SMS: variants seen among roughly 807,000 people sequenced by gnomAD.
The protein encoded by SMS is spermine synthase, also known as spermidine aminopropyltransferase.
SMS carries 3 observed loss-of-function variants against 33.0 expected under a neutral mutation model. The observed-to-expected ratio is 0.09, with a 90% CI of 0.04 to 0.23. The LOEUF is 0.23. Ranked by LOEUF, SMS falls within the 10% of genes least tolerant of loss-of-function variation. The pLI is 1.00. For synonymous variants in SMS, 103 were observed against 112.2 expected (o/e 0.92, Z 0.52); for missense variants, 117 against 288.6 (o/e 0.41, Z 4.31).
intron 7 of SMS, among the ~76,000 whole-genome samples, chrX:21,979,980 TAAAAA>T (rs1404473772): frequency 1.0e-5 from 1 of 100,059 alleles, no homozygotes; most frequent in Non-Finnish European, 2.0e-5. Flanking sequence ...ATAATAATAA[TAAAAA>T]AGAAACCTTA....
intron 1 of SMS, chrX:21,960,058 C>T (rs1923238263): frequency 3.2e-6 from 1 of 316,476 alleles, no homozygotes. Flanking sequence ...TGTAGGGGCA[C>T]TGAGAATAAA....
chrX:21,977,373 A>G, intron 5 of SMS, 137 bp downstream of exon 5: 1 of 591,516 alleles, frequency 1.7e-6, no homozygotes, highest in Non-Finnish European at 3.0e-6. Context: ...ATGCACATTT[A>G]TGTCATATTA....
intron 9 of SMS, among the ~76,000 whole-genome samples, chrX:21,985,699 T>G (rs1925276671): frequency 8.9e-6 from 1 of 112,049 alleles, no homozygotes; most frequent in South Asian, 3.6e-4. Flanking sequence ...TAATCCAGTC[T>G]CTTGGTACAA....
Position 21,984,228 on chromosome X carries a change from C to T in SMS, c.751-76C>T, listed in dbSNP as rs1005361483. The T allele has an allele frequency of 1.5e-4, 106 of 696,111 alleles. 1 individual carries two copies. Among genetic ancestry groups the T allele is most frequent in the Non-Finnish European group, 2.0e-4 (84 of 428,096 alleles). 57.4% of individuals were successfully genotyped at this position (696,111 alleles called of 1,213,427 possible). ...AGCCCATACTTGGCGCTTTTTTCCT[C>T]CTTCCTTTACTATTGTTTTTTGTTT... On this transcript the variant is annotated intron_variant, in intron 7 of 10. Transcript: ENST00000404933.
chrX:21,944,059 A>G (rs1185350033), intron 1 of SMS, among the ~76,000 whole-genome samples: 2 of 111,528 alleles, frequency 1.8e-5, no homozygotes, highest in Non-Finnish European at 3.8e-5. Flanking sequence ...TGAACCACTT[A>G]GTTATGATGT....
intron 1 of SMS, among the ~76,000 whole-genome samples, chrX:21,963,187 C>T (rs1440932457): frequency 8.9e-6 from 1 of 112,154 alleles, no homozygotes. Context: ...GATACTACTG[C>T]GGAGTTTTCA....
At chrX:21,947,029 T>G (rs907822989) in intron 1 of SMS, among the ~76,000 whole-genome samples, 7 of 111,759 alleles carry the variant, frequency 6.3e-5, no homozygotes, top group Non-Finnish European at 1.3e-4. Context: ...GAACCATCGC[T>G]CTTTTTAACC....
chrX:21,945,668 G>T (rs1401814145), intron 1 of SMS, among the ~76,000 whole-genome samples: 1 of 63,007 alleles, frequency 1.6e-5, no homozygotes, highest in Non-Finnish European at 2.7e-5. Context: ...TCGCTCTGTC[G>T]CCCAGAGCTG....
At chrX:21,980,063 AATAAT>A (rs1171587453) in intron 7 of SMS, among the ~76,000 whole-genome samples, 1 of 111,059 alleles carries the variant, frequency 9.0e-6, no homozygotes, top group African/African-American at 3.3e-5. Context: ...TTCCAAGTAA[AATAAT>A]AAGCTAAATC....
intron 9 of SMS, among the ~76,000 whole-genome samples, chrX:21,986,601 A>G (rs7891381): frequency 0.36 from 39,944 of 111,211 alleles, 7,369 homozygotes; most frequent in African/African-American, 0.73. Context: ...TGCGCTTGGC[A>G]AAATTGTTCA....
At chrX:21,977,677 A>C (rs1174109015) in intron 5 of SMS, among the ~76,000 whole-genome samples, 1 of 111,265 alleles carries the variant, frequency 9.0e-6, no homozygotes, top group Non-Finnish European at 1.9e-5. Flanking sequence ...ATATTATTTC[A>C]TTTGTAAAGA....
chrX:21,980,339 C>T (rs1414970410), intron 7 of SMS, among the ~76,000 whole-genome samples: 1 of 102,555 alleles, frequency 9.8e-6, no homozygotes, highest in East Asian at 3.1e-4. Context: ...ATCGCTTGAA[C>T]CCGGAAGGTG....
intron 7 of SMS, among the ~76,000 whole-genome samples, chrX:21,984,095 A>G (rs905229916): frequency 1.8e-5 from 2 of 111,795 alleles, no homozygotes; most frequent in Non-Finnish European, 3.8e-5. Context: ...TATTGAAATG[A>G]GAAGGCATAT....
chrX:21,966,378 G>C (rs1490570444), intron 1 of SMS, among the ~76,000 whole-genome samples: 1 of 112,303 alleles, frequency 8.9e-6, no homozygotes, highest in Non-Finnish European at 1.9e-5. Context: ...GATAGAACTA[G>C]AGAAGAAAAA....
intron 1 of SMS, among the ~76,000 whole-genome samples, chrX:21,956,289 T>C (rs1025038126): frequency 4.5e-4 from 50 of 110,799 alleles, no homozygotes; most frequent in Non-Finnish European, 8.7e-4. Flanking sequence ...GAAAAAGTCC[T>C]GTAAATTTTT....
chrX:21,942,205 A>G (rs796175490), intron 1 of SMS, among the ~76,000 whole-genome samples: 2 of 110,660 alleles, frequency 1.8e-5, no homozygotes, highest in African/African-American at 3.3e-5. Context: ...TTCTCTTACC[A>G]TTTTTAACAC....
Position 21,967,490 on chromosome X carries a change from C to A in SMS, c.170+174C>A, listed in dbSNP as rs778463948. The stretch of plus-strand genomic sequence containing the variant: ...GCTGCACATCAGAATCTCCTGGTAG[C>A]GTTACTGACCACAGGTTCTTAAGCT... On this transcript the variant is annotated intron_variant, in intron 2 of 10. Coordinates refer to ENST00000404933, the MANE Select transcript of SMS (RefSeq NM_004595.5). 2.7e-5 allele frequency among the ~76,000 whole-genome samples: 3 copies of A among 111,149 alleles called. No individual in the cohort carries two copies. In the South Asian group the frequency reaches 1.1e-3, roughly 42 times the overall value.
intron 1 of SMS, among the ~76,000 whole-genome samples, chrX:21,957,626 C>T (rs1923061323): frequency 8.9e-6 from 1 of 111,983 alleles, no homozygotes; most frequent in African/African-American, 3.2e-5. Flanking sequence ...TGGGTATATA[C>T]CCAGTAATGG....
intron 1 of SMS, among the ~76,000 whole-genome samples, chrX:21,965,710 T>G (rs1164022949): frequency 9.2e-6 from 1 of 108,307 alleles, no homozygotes; most frequent in Non-Finnish European, 1.9e-5. Flanking sequence ...ATCACACCAC[T>G]GCACTCCAGC....
Sources: gnomAD v4.1 joint callset for allele counts (sites outside exome capture counted in the v4.1 genomes callset) on GRCh38, gnomAD v4.1.1 for gene constraint, MANE v1.5 for transcripts, NCBI Gene and HGNC (gene_info 2026-07-23, HGNC 2026-07-21) for gene names.